The following CDH13 variants were observed in gnomAD, a reference collection of about 807,000 sequenced individuals.
CDH13 encodes the protein cadherin-13.
CDH13 carries 24 observed loss-of-function variants against 63.8 expected under a neutral mutation model. That is an observed-to-expected ratio of 0.38 (90% confidence interval 0.27 to 0.53). The LOEUF (loss-of-function observed/expected upper bound fraction) is 0.53, where lower values mean the gene tolerates loss of function less well. Among genes scored for constraint, CDH13 ranks in the 20% least tolerant of loss-of-function variants. The probability of loss-of-function intolerance (pLI) is 0.85; values close to 1 mark genes in which losing one functional copy is unlikely to be tolerated. For missense variants in CDH13, 1,049 were observed against 903.1 expected, an observed-to-expected ratio of 1.16 and a Z score of -2.07; for synonymous variants, 503 against 355.3, an observed-to-expected ratio of 1.42 and a Z score of -4.67.
chr16:82,782,431 A>G (rs763977724), intron 1 of CDH13, among the ~76,000 whole-genome samples: 18 of 152,216 alleles, frequency 1.2e-4, no homozygotes, highest in Non-Finnish European at 2.2e-4. Context: ...AAGTGCCTGT[A>G]ATCCTAGCTA....
intron 1 of CDH13, among the ~76,000 whole-genome samples, chr16:82,758,117 C>G (rs189229252): frequency 0.015 from 2,239 of 152,146 alleles, 38 homozygotes; most frequent in Non-Finnish European, 0.019. Context: ...TATGTAGTCT[C>G]CAAGGGACAT....
At chr16:83,114,533 A>G (rs1311416087) in intron 3 of CDH13, among the ~76,000 whole-genome samples, 1 of 152,224 alleles carries the variant, frequency 6.6e-6, no homozygotes, top group Non-Finnish European at 1.5e-5. Context: ...ATGAGATGAT[A>G]TGAAGAACTA....
At chr16:83,157,569 A>C (rs2037258049) in intron 4 of CDH13, among the ~76,000 whole-genome samples, 1 of 152,196 alleles carries the variant, frequency 6.6e-6, no homozygotes, top group South Asian at 2.1e-4. Context: ...AAAAGGACCT[A>C]GCAGGAAAAT....
intron 6 of CDH13, among the ~76,000 whole-genome samples, chr16:83,445,140 C>T (rs1472892835): frequency 3.3e-5 from 5 of 151,818 alleles, no homozygotes; most frequent in Non-Finnish European, 1.5e-5. Flanking sequence ...TCCTTCCATG[C>T]CAGCTACTAC....
At chr16:83,115,056 G>A (rs1371946269) in intron 3 of CDH13, among the ~76,000 whole-genome samples, 1 of 152,190 alleles carries the variant, frequency 6.6e-6, no homozygotes, top group Non-Finnish European at 1.5e-5. Flanking sequence ...AAATGTTAAA[G>A]CTGTGATTAT....
intron 13 of CDH13, among the ~76,000 whole-genome samples, chr16:83,789,355 G>GTTTTT (rs1286829291): frequency 9.6e-6 from 1 of 104,016 alleles, no homozygotes; most frequent in African/African-American, 3.2e-5. Context: ...TTGTTTGTCT[G>GTTTTT]TTTTGTTTTA....
At chr16:83,352,677 T>G (rs2090978590) in intron 6 of CDH13, among the ~76,000 whole-genome samples, 1 of 152,036 alleles carries the variant, frequency 6.6e-6, no homozygotes, top group Non-Finnish European at 1.5e-5. Context: ...GATCACGAGG[T>G]CAGGAGATCG....
intron 2 of CDH13, among the ~76,000 whole-genome samples, chr16:82,886,192 A>G (rs1345576809): frequency 6.6e-6 from 1 of 152,216 alleles, no homozygotes; most frequent in African/African-American, 2.4e-5. Flanking sequence ...ATTCATTTAG[A>G]CTATATCAAA....
chr16:83,530,339 C>G (rs2075056173), intron 7 of CDH13, among the ~76,000 whole-genome samples: 1 of 152,158 alleles, frequency 6.6e-6, no homozygotes, highest in South Asian at 2.1e-4. Flanking sequence ...TGACCTTGTG[C>G]TGAGTTTTAT....
In CDH13 at chr16:83,124,897, A is replaced by T. The variant is rs149818387; in HGVS notation, c.367-488A>T. Among the ~76,000 whole-genome samples the T allele has an allele frequency of 2.2e-3, 338 of 152,304 alleles. 2 individuals are homozygous for T. Among genetic ancestry groups the T allele is most frequent in the South Asian group, 9.3e-3 (45 of 4,822 alleles). The stretch of plus-strand genomic sequence containing the variant: ...TCCATTAATCTAGATTTATACCAGT[A>T]CCATCCTGTTTTGGTTACTATAGCT... On this transcript the variant is annotated intron_variant, in intron 3 of 13. Transcript: ENST00000567109.
At chr16:83,180,933 C>G (rs756904177) in intron 4 of CDH13, 207 of 1,530,680 alleles carry the variant, frequency 1.4e-4, no homozygotes, top group Non-Finnish European at 1.8e-4. Flanking sequence ...AGATTTAAAT[C>G]CATGCATTAC....
intron 3 of CDH13, among the ~76,000 whole-genome samples, chr16:83,080,196 A>G (rs2033138562): frequency 6.6e-6 from 1 of 152,116 alleles, no homozygotes; most frequent in South Asian, 2.1e-4. Flanking sequence ...GGTGGGAAAG[A>G]GCCCTTCAGC....
chr16:83,516,822 A>G (rs2074708434), intron 7 of CDH13, among the ~76,000 whole-genome samples: 2 of 152,224 alleles, frequency 1.3e-5, no homozygotes, highest in African/African-American at 2.4e-5. Context: ...TTACAATGGC[A>G]TTGTTGTGTA....
chr16:83,262,957 T>G (rs1452961288), intron 5 of CDH13, among the ~76,000 whole-genome samples: 1 of 152,274 alleles, frequency 6.6e-6, no homozygotes, highest in Non-Finnish European at 1.5e-5. Flanking sequence ...TATGATGTTG[T>G]TTGTCCTGAG....
At chr16:83,127,668 A>G (rs915963793) in intron 4 of CDH13, among the ~76,000 whole-genome samples, 1 of 152,176 alleles carries the variant, frequency 6.6e-6, no homozygotes, top group Non-Finnish European at 1.5e-5. Context: ...TGGAGGTTGC[A>G]GTGAGCCGGG....
chr16:83,308,265 C>G (rs932074630), intron 5 of CDH13, among the ~76,000 whole-genome samples: 1 of 152,118 alleles, frequency 6.6e-6, no homozygotes, highest in Non-Finnish European at 1.5e-5. Context: ...GTGCTTTGCT[C>G]AAAGCCAGGA....
At chr16:82,936,704 G>A (rs764180756) in intron 2 of CDH13, among the ~76,000 whole-genome samples, 2 of 152,094 alleles carry the variant, frequency 1.3e-5, no homozygotes, top group African/African-American at 2.4e-5. Flanking sequence ...TCCTACCTAC[G>A]GATGCCAATG....
chr16:83,472,249 G>C (rs1164444124), intron 6 of CDH13, among the ~76,000 whole-genome samples: 1 of 151,654 alleles, frequency 6.6e-6, no homozygotes, highest in Non-Finnish European at 1.5e-5. Context: ...TGGGGACTCT[G>C]TCTCCTGTGG....
At chr16:83,291,969 C>T (rs773295369) in intron 5 of CDH13, among the ~76,000 whole-genome samples, 22 of 152,116 alleles carry the variant, frequency 1.4e-4, no homozygotes, top group Non-Finnish European at 2.9e-5. Flanking sequence ...TGCCTGCTCC[C>T]AATGGTCATG....
Sources: allele counts gnomAD v4.1 joint callset (sites outside exome capture counted in the v4.1 genomes callset), GRCh38; gene constraint gnomAD v4.1.1; transcripts MANE v1.5; gene names NCBI Gene and HGNC (gene_info 2026-07-23, HGNC 2026-07-21).